Variants in STOX1 observed in about 807,000 individuals in gnomAD.
STOX1 encodes the protein storkhead-box protein 1.
Under a neutral mutation model 74.8 loss-of-function variants are expected in STOX1, and 57 were observed. That is an observed-to-expected ratio of 0.76 (90% CI 0.62 to 0.95). The LOEUF (loss-of-function observed/expected upper bound fraction) is 0.95. STOX1 is among the 40% of genes least tolerant of loss of function. The pLI, the probability that STOX1 is intolerant of heterozygous loss-of-function variation, is 0.00. For synonymous variants in STOX1, 375 were observed against 401.3 expected (o/e 0.93, Z 0.78); for missense variants, 1,010 against 1,117.0 (o/e 0.90, Z 1.37).
At chr10:68,858,700 C>A (rs1392964506) in intron 1 of STOX1, among the ~76,000 whole-genome samples, 1 of 151,850 alleles carries the variant, frequency 6.6e-6, no homozygotes, top group Non-Finnish European at 1.5e-5. Flanking sequence ...AGAGGGTGGG[C>A]AATGGGGTAG....
intron 2 of STOX1, among the ~76,000 whole-genome samples, chr10:68,883,097 G>A (rs1168342127): frequency 6.6e-6 from 1 of 152,002 alleles, no homozygotes; most frequent in Non-Finnish European, 1.5e-5. Context: ...TGGCATCTGG[G>A]CCGGGTGTGG....
chr10:68,844,916 C>A (rs1253278039), intron 1 of STOX1, among the ~76,000 whole-genome samples: 1 of 152,046 alleles, frequency 6.6e-6, no homozygotes, highest in African/African-American at 2.4e-5. Context: ...GTGCACACCA[C>A]CACGCCCAGC....
intron 1 of STOX1, among the ~76,000 whole-genome samples, chr10:68,843,773 T>C (rs1333758887): frequency 6.6e-6 from 1 of 152,074 alleles, no homozygotes; most frequent in Non-Finnish European, 1.5e-5. Flanking sequence ...TGGCCAAGCT[T>C]GTCTTGAACT....
At chr10:68,894,501 G>C (rs1032282769), downstream of STOX1, among the ~76,000 whole-genome samples, 3 of 152,262 alleles carry the variant, frequency 2.0e-5, no homozygotes, top group East Asian at 5.8e-4. Flanking sequence ...ACTCACTCTT[G>C]ACTATTGGCT....
intron 2 of STOX1, 61 bp from the exon 3 acceptor site, chr10:68,884,196 CTGA>C: frequency 5.0e-6 from 7 of 1,414,076 alleles, no homozygotes; most frequent in Non-Finnish European, 7.0e-6. Context: ...TTCAGAGTTA[CTGA>C]TTTCACTCAT....
chr10:68,855,127 T>C (rs556553799), intron 1 of STOX1, among the ~76,000 whole-genome samples: 2 of 146,386 alleles, frequency 1.4e-5, no homozygotes, highest in Admixed American at 1.3e-4. Flanking sequence ...AAAAAAAATT[T>C]TTTTTTTTTT....
intron 2 of STOX1, among the ~76,000 whole-genome samples, chr10:68,883,163 G>T (rs1321816412): frequency 6.6e-6 from 1 of 150,728 alleles, no homozygotes; most frequent in Non-Finnish European, 1.5e-5. Context: ...GGATCACGAG[G>T]TCAAGAGATT....
intron 1 of STOX1, chr10:68,828,182 G>T: frequency 2.5e-6 from 2 of 801,222 alleles, no homozygotes; most frequent in Non-Finnish European, 3.1e-6. Flanking sequence ...GCTGGTGCGC[G>T]CGCCCCCCGC....
rs182287877 is a variant in STOX1 at position 68,855,481 on chromosome 10, C to T, written c.311-26477C>T. Among the ~76,000 whole-genome samples the T allele has an allele frequency of 4.3e-4, 66 of 151,940 alleles. 1 individual carries two copies. Among genetic ancestry groups the T allele is most frequent in the African/African-American group, 1.5e-3 (62 of 41,336 alleles). On this transcript the variant is annotated intron_variant, in intron 1 of 3. Transcript: ENST00000298596. ...TGAGACTGGGTCTCGCTGTATCACC[C>T]AGGCTGGAGTGCAGTGGCATGATCT...
rs115870294 is a variant in STOX1, at chr10:68,832,372, A to G, written c.310+4439A>G. Among the ~76,000 whole-genome samples the G allele has an allele frequency of 5.6e-3, 852 of 152,232 alleles. 8 individuals are homozygous for G. The highest frequency in any genetic ancestry group is 0.019 in the African/African-American group (802 of 41,548). ...CCAGCAGGGCCTTTCATCTTTTCTC[A>G]CTGAATAAAAATGCCCCAGGCCATG... is the stretch of plus-strand genomic sequence containing the variant. On this transcript the variant is annotated intron_variant, in intron 1 of 3. Coordinates refer to ENST00000298596, the MANE Select transcript of STOX1 (RefSeq NM_152709.5).
At chr10:68,859,901 C>T (rs1314772495) in intron 1 of STOX1, among the ~76,000 whole-genome samples, 1 of 151,772 alleles carries the variant, frequency 6.6e-6, no homozygotes, top group African/African-American at 2.4e-5. Flanking sequence ...AAATGAAAAA[C>T]CATGATCTTT....
At chr10:68,853,760 A>G (rs1840050459) in intron 1 of STOX1, among the ~76,000 whole-genome samples, 2 of 151,450 alleles carry the variant, frequency 1.3e-5, no homozygotes, top group African/African-American at 4.9e-5. Flanking sequence ...ATCTCGGCTC[A>G]CTGCAACCTC....
At chr10:68,866,898 G>A (rs112805642) in intron 1 of STOX1, among the ~76,000 whole-genome samples, 9,759 of 150,762 alleles carry the variant, frequency 0.065, 442 homozygotes, top group Non-Finnish European at 0.093. Flanking sequence ...TCGGGTTTCC[G>A]TCTTTATCAA....
At chr10:68,876,207 T>C (rs1209654472) in intron 1 of STOX1, among the ~76,000 whole-genome samples, 1 of 151,510 alleles carries the variant, frequency 6.6e-6, no homozygotes, top group Admixed American at 6.6e-5. Context: ...GCCCAGGCTG[T>C]AGTGCAATGG....
rs560074883 is a variant in STOX1 at position 68,877,878 on chromosome 10, T to A, written c.311-4080T>A. 9.8e-5 allele frequency among the ~76,000 whole-genome samples: 15 copies of A among 152,310 alleles called. No individual in the cohort carries two copies. In the South Asian group the frequency reaches 3.1e-3, roughly 32 times the overall value. Reference sequence around the variant, plus strand: ...CCCTTGTCTTTCAAGGAAGGGAAACTTTTCCCCCCTCTTTTAAAATTAAGG... The same window carrying A: ...CCCTTGTCTTTCAAGGAAGGGAAACATTTCCCCCCTCTTTTAAAATTAAGG... On this transcript the variant is annotated intron_variant, in intron 1 of 3. Coordinates refer to ENST00000298596, the MANE Select transcript of STOX1 (RefSeq NM_152709.5).
intron 1 of STOX1, among the ~76,000 whole-genome samples, chr10:68,878,416 G>A (rs144190540): frequency 1.3e-5 from 2 of 152,280 alleles, no homozygotes; most frequent in East Asian, 3.9e-4. Context: ...GCCCCGCTTG[G>A]ACAGATTTTC....
chr10:68,847,709 G>A (rs1228302810), intron 1 of STOX1, among the ~76,000 whole-genome samples: 1 of 151,196 alleles, frequency 6.6e-6, no homozygotes, highest in African/African-American at 2.4e-5. Flanking sequence ...TGCACCGCTG[G>A]AAGGTAGAAG....
At chr10:68,845,531 C>T (rs1839819534) in intron 1 of STOX1, among the ~76,000 whole-genome samples, 1 of 151,872 alleles carries the variant, frequency 6.6e-6, no homozygotes, top group South Asian at 2.1e-4. Flanking sequence ...GCCTCGGCCT[C>T]CCAAAGTGCT....
chr10:68,850,715 T>C (rs1177293858), intron 1 of STOX1, among the ~76,000 whole-genome samples: 1 of 152,248 alleles, frequency 6.6e-6, no homozygotes, highest in Non-Finnish European at 1.5e-5. Flanking sequence ...GGCTCACGCC[T>C]GTAATCCCAG....
Sources: gnomAD v4.1 joint callset for allele counts (sites outside exome capture counted in the v4.1 genomes callset) on GRCh38, gnomAD v4.1.1 for gene constraint, MANE v1.5 for transcripts, NCBI Gene and HGNC (gene_info 2026-07-23, HGNC 2026-07-21) for gene names.